RELL1: variants seen among roughly 807,000 people sequenced by gnomAD.
RELL1 encodes the protein RELT-like protein 1.
RELL1 carries 10 observed loss-of-function variants against 23.0 expected under a neutral mutation model. That is an observed-to-expected ratio of 0.43 (90% confidence interval 0.27 to 0.74). RELL1 has a LOEUF of 0.74. Among genes scored for constraint, RELL1 ranks in the 30% least tolerant of loss-of-function variants. The pLI, the probability that RELL1 is intolerant of heterozygous loss-of-function variation, is 0.19. For missense variants in RELL1, 315 were observed against 364.4 expected, an observed-to-expected ratio of 0.86 and a Z score of 1.10; for synonymous variants, 146 against 146.8, an observed-to-expected ratio of 0.99 and a Z score of 0.04.
chr4:37,597,752 A>C (rs1449038241), intron 6 of RELL1, among the ~76,000 whole-genome samples: 3 of 152,106 alleles, frequency 2.0e-5, no homozygotes, highest in Non-Finnish European at 4.4e-5. Context: ...TGTGGTTTTT[A>C]AATTAAAATT....
intron 1 of RELL1, among the ~76,000 whole-genome samples, chr4:37,670,794 T>G (rs1721808797): frequency 6.6e-6 from 1 of 152,122 alleles, no homozygotes; most frequent in Non-Finnish European, 1.5e-5. Flanking sequence ...AGATGATCTC[T>G]ATCTCCTGAC....
chr4:37,638,409 A>G, intron 4 of RELL1, 38 bp downstream of exon 4: 1 of 1,524,598 alleles, frequency 6.6e-7, no homozygotes, highest in Non-Finnish European at 9.0e-7. Flanking sequence ...AAGTAACTGA[A>G]AAGATGTCGC....
chr4:37,626,690 C>T (rs981552833), intron 6 of RELL1, among the ~76,000 whole-genome samples: 14 of 152,022 alleles, frequency 9.2e-5, no homozygotes, highest in Non-Finnish European at 1.9e-4. Context: ...CATAATGAAA[C>T]ACTGTTCGGC....
intron 1 of RELL1, among the ~76,000 whole-genome samples, chr4:37,649,710 A>G (rs1720833359): frequency 6.6e-6 from 1 of 152,252 alleles, no homozygotes; most frequent in South Asian, 2.1e-4. Flanking sequence ...ACCAGGTCCC[A>G]TGCTGGGTCA....
chr4:37,591,603 G>T (rs905623966), intron 6 of RELL1: 1 of 152,152 alleles, frequency 6.6e-6, no homozygotes, highest in Non-Finnish European at 1.5e-5. Flanking sequence ...GGAAACAAAG[G>T]GTTAGTCATT....
In RELL1 at chr4:37,658,713, A is replaced by G. The variant is rs187411164; in HGVS notation, c.89-9213T>C. ...GTTCATCTACCAATGCCTAAAGTAC[A>G]TTTTCATTATTTTTCTTTCAACAAT... is the stretch of plus-strand genomic sequence containing the variant. On this transcript the variant is annotated intron_variant, in intron 1 of 6. Transcript: ENST00000454158. Among the ~76,000 whole-genome samples the G allele has an allele frequency of 1.5e-3, 225 of 152,224 alleles. 1 individual carries two copies. The highest frequency in any genetic ancestry group is 0.014 in the Middle Eastern group (4 of 294).
chr4:37,628,986 C>T (rs895680782), intron 6 of RELL1, among the ~76,000 whole-genome samples: 3 of 152,170 alleles, frequency 2.0e-5, no homozygotes, highest in African/African-American at 7.2e-5. Flanking sequence ...AATCCTAATT[C>T]CTTCTAACCT....
At position 37,611,041 on chromosome 4, in the gene RELL1, A is replaced by G. The variant is rs1719357258; in HGVS notation, c.*2305T>C. Among the ~76,000 whole-genome samples the G allele has an allele frequency of 6.6e-6, 1 of 151,884 alleles. No individual in the cohort carries two copies. On this transcript the variant is annotated 3_prime_UTR_variant, in exon 7 of 7. Transcript: ENST00000454158. The stretch of plus-strand genomic sequence containing the variant: ...ATTTATTAGAAAATATTTAAAACAT[A>G]CTCTTGGTATCAATACAGTTTTAAA...
rs966035192 is a variant in RELL1, at chr4:37,610,659, T to C, written c.*2687A>G. ...TGCGTTTAACATTTTTATTTTTAAC[T>C]CCGCTTTGGTAGTACAAAAGTCATA... On this transcript the variant is annotated 3_prime_UTR_variant, in exon 7 of 7. Coordinates refer to ENST00000454158, the MANE Select transcript of RELL1 (RefSeq NM_001085400.2). The surrounding 1 kb of genome is among the most constrained non-coding windows in gnomAD (Gnocchi z 4.1). 6.6e-6 allele frequency among the ~76,000 whole-genome samples: 1 copy of C among 152,210 alleles called. No individual in the cohort carries two copies. The highest frequency in any genetic ancestry group is 2.4e-5 in the African/African-American group (1 of 41,446).
At chr4:37,652,975 C>T (rs962495177) in intron 1 of RELL1, among the ~76,000 whole-genome samples, 1 of 152,072 alleles carries the variant, frequency 6.6e-6, no homozygotes, top group African/African-American at 2.4e-5. Flanking sequence ...TACTCTGTTT[C>T]CTCTCTGTTA....
chr4:37,681,594 TCTC>T (rs1722227893), intron 1 of RELL1, among the ~76,000 whole-genome samples: 1 of 138,676 alleles, frequency 7.2e-6, no homozygotes, highest in South Asian at 2.4e-4. Context: ...AGTGGCACGA[TCTC>T]AGCTCACTGC....
At position 37,669,088 on chromosome 4, in the gene RELL1, C is replaced by G. The variant is rs1398780037; in HGVS notation, c.88+17112G>C. Among the ~76,000 whole-genome samples, 57 of 133,868 alleles carry G rather than the reference C, an allele frequency of 4.3e-4. 1 individual carries two copies. Among genetic ancestry groups the G allele is most frequent in the Admixed American group, 4.0e-3 (56 of 14,144 alleles). 87.8% of individuals were successfully genotyped at this position (133,868 alleles called of 152,430 possible). Reference sequence around the variant, plus strand: ...CAGCCCCCCGCCTGGCCAGCCGCCCCGTCTGGGAGGTGAGGGGCGCCTCTG... The same window carrying G: ...CAGCCCCCCGCCTGGCCAGCCGCCCGGTCTGGGAGGTGAGGGGCGCCTCTG... On this transcript the variant is annotated intron_variant, in intron 1 of 6. Coordinates refer to ENST00000454158, the MANE Select transcript of RELL1 (RefSeq NM_001085400.2).
At chr4:37,629,562 A>G (rs1049733984) in intron 6 of RELL1, among the ~76,000 whole-genome samples, 1 of 152,114 alleles carries the variant, frequency 6.6e-6, no homozygotes, top group African/African-American at 2.4e-5. Flanking sequence ...GTCACCAGTA[A>G]CTGGCTGAGA....
intron 6 of RELL1, among the ~76,000 whole-genome samples, chr4:37,624,393 G>A (rs78744170): frequency 0.014 from 2,121 of 150,314 alleles, 45 homozygotes; most frequent in African/African-American, 0.048. Context: ...CCTCTTGGAA[G>A]AAGGAAATGG....
chr4:37,590,973 A>C, exon 7 of RELL1: 2 of 1,612,980 alleles, frequency 1.2e-6, no homozygotes, highest in Non-Finnish European at 1.7e-6. Flanking sequence ...CTGCTACTGC[A>C]GGAGAAGATT....
chr4:37,605,819 G>GA (rs1345426199), downstream of RELL1, among the ~76,000 whole-genome samples: 6 of 105,192 alleles, frequency 5.7e-5, no homozygotes, highest in Non-Finnish European at 1.4e-4. Context: ...AAGAAAGAAA[G>GA]AAAGAAAGAA....
intron 6 of RELL1, among the ~76,000 whole-genome samples, chr4:37,627,192 A>G (rs887468976): frequency 6.6e-6 from 1 of 152,256 alleles, no homozygotes; most frequent in Admixed American, 6.5e-5. Context: ...AAAAAATTTT[A>G]AAGTATGGTT....
At chr4:37,669,375 C>T (rs188161002) in intron 1 of RELL1, among the ~76,000 whole-genome samples, 3,555 of 146,860 alleles carry the variant, frequency 0.024, 76 homozygotes, top group Middle Eastern at 0.067. Flanking sequence ...GGTCAGTCCC[C>T]GGCCCGGCCA....
chr4:37,645,353 A>G (rs1243208836), intron 3 of RELL1, among the ~76,000 whole-genome samples: 1 of 152,248 alleles, frequency 6.6e-6, no homozygotes, highest in Non-Finnish European at 1.5e-5. Context: ...CTTCTAGGCC[A>G]AGGACATAGT....
Sources: gnomAD v4.1 joint callset for allele counts (sites outside exome capture counted in the v4.1 genomes callset) on GRCh38, gnomAD v4.1.1 for gene constraint, Gnocchi (gnomAD v3.1) non-coding constraint, MANE v1.5 for transcripts, NCBI Gene and HGNC (gene_info 2026-07-23, HGNC 2026-07-21) for gene names.